EIF4G3: variants seen among roughly 807,000 people sequenced by gnomAD.
EIF4G3 encodes the protein eukaryotic translation initiation factor 4 gamma 3.
Under a neutral mutation model 186.4 loss-of-function variants are expected in EIF4G3, and 34 were observed. That is an observed-to-expected ratio of 0.18 (90% CI 0.14 to 0.24). EIF4G3 has a LOEUF of 0.24. Ranked by LOEUF, EIF4G3 falls within the 10% of genes least tolerant of loss-of-function variation. The probability of loss-of-function intolerance (pLI) is 1.00; values close to 1 mark genes in which losing one functional copy is unlikely to be tolerated. For missense variants in EIF4G3, 1,536 were observed against 1,948.5 expected (o/e 0.79, Z 3.99); for synonymous variants, 673 against 679.5 (o/e 0.99, Z 0.15).
intron 3 of EIF4G3, among the ~76,000 whole-genome samples, chr1:21,083,037 CAAAAAAAAAAAAAAAAAAAAAAA>C (rs544781256): frequency 7.5e-5 from 5 of 66,432 alleles, no homozygotes; most frequent in Admixed American, 3.7e-4. Context: ...GACTCTGTCT[CAAAAAAAAAAAAAAAAAAAAAAA>C]AAAAAAAAAA....
chr1:20,984,830 C>T (rs955049294), intron 7 of EIF4G3, among the ~76,000 whole-genome samples: 14 of 152,058 alleles, frequency 9.2e-5, no homozygotes, highest in Non-Finnish European at 2.1e-4. Context: ...CCTCGTGATC[C>T]GCCCGCCTCG....
At chr1:21,162,389 C>A (rs971773855) in intron 2 of EIF4G3, among the ~76,000 whole-genome samples, 1 of 149,836 alleles carries the variant, frequency 6.7e-6, no homozygotes, top group Non-Finnish European at 1.5e-5. Context: ...GTGGACGTTG[C>A]AGTGAACTGA....
At chr1:21,176,569 GCCGCCGCCGCCGCCGCCGCCGCCT>G (rs989319218) in intron 1 of EIF4G3, among the ~76,000 whole-genome samples, 129 bp downstream of exon 1, 13 of 143,158 alleles carry the variant, frequency 9.1e-5, no homozygotes, top group Non-Finnish European at 7.7e-5. Context: ...CACGCCCGAC[GCCGCCGCCGCCGCCGCCGCCGCCT>G]CCGCCGCCGC....
intron 31 of EIF4G3, 82 bp downstream of exon 31, chr1:20,829,065 A>G: frequency 6.9e-7 from 1 of 1,455,978 alleles, no homozygotes; most frequent in Non-Finnish European, 9.4e-7. Flanking sequence ...CGATAATGGG[A>G]CAGTACTATG....
At chr1:21,077,772 C>G (rs2095632612) in intron 3 of EIF4G3, among the ~76,000 whole-genome samples, 1 of 151,014 alleles carries the variant, frequency 6.6e-6, no homozygotes, top group African/African-American at 2.4e-5. Flanking sequence ...CCCAGATACT[C>G]AGGAGGCTGT....
At chr1:20,861,386 A>T (rs1225457542) in intron 23 of EIF4G3, among the ~76,000 whole-genome samples, 1 of 152,104 alleles carries the variant, frequency 6.6e-6, no homozygotes, top group African/African-American at 2.4e-5. Context: ...AAATGAGAAA[A>T]ACAAAAAAAC....
At chr1:21,073,749 T>A (rs1022584182) in intron 3 of EIF4G3, 15 of 468,844 alleles carry the variant, frequency 3.2e-5, no homozygotes, top group African/African-American at 3.0e-4. Context: ...AAGTCTATGA[T>A]GGTATTGTCA....
chr1:21,033,919 T>C (rs1159826497), intron 4 of EIF4G3, among the ~76,000 whole-genome samples: 1 of 152,150 alleles, frequency 6.6e-6, no homozygotes, highest in East Asian at 1.9e-4. Flanking sequence ...ACCCTGCCTC[T>C]ATAAAAAAAA....
At chr1:21,142,820 T>A (rs2097363403) in intron 2 of EIF4G3, among the ~76,000 whole-genome samples, 1 of 151,976 alleles carries the variant, frequency 6.6e-6, no homozygotes, top group Non-Finnish European at 1.5e-5. Flanking sequence ...AAAACAGAAA[T>A]AACTCAAGTA....
chr1:21,047,098 A>G (rs1360812668), intron 4 of EIF4G3, among the ~76,000 whole-genome samples: 1 of 152,196 alleles, frequency 6.6e-6, no homozygotes, highest in Non-Finnish European at 1.5e-5. Context: ...AATTTATCCA[A>G]TATCATATAA....
chr1:20,873,279 A>AT (rs1375087295), intron 20 of EIF4G3, among the ~76,000 whole-genome samples: 2 of 152,048 alleles, frequency 1.3e-5, no homozygotes, highest in East Asian at 1.9e-4. Context: ...ATCAACAGGC[A>AT]TTTTTTCATT....
At chr1:21,131,275 C>G (rs1202170779) in intron 2 of EIF4G3, among the ~76,000 whole-genome samples, 2 of 133,534 alleles carry the variant, frequency 1.5e-5, no homozygotes, top group African/African-American at 5.5e-5. Flanking sequence ...CTTAAAGATA[C>G]ATTAAGATGT....
At chr1:20,900,070 A>G (rs1305227096) in intron 15 of EIF4G3, 127 bp from the exon 16 acceptor site, 12 of 980,078 alleles carry the variant, frequency 1.2e-5, no homozygotes, top group African/African-American at 1.6e-5. Context: ...GTCTGTGTTC[A>G]GCATGTGGTA....
rs35855765 is a variant in EIF4G3, at chr1:21,079,506, G to GAA, written c.-196+9630_-196+9631dup. 7.8e-3 allele frequency among the ~76,000 whole-genome samples: 782 copies of GAA among 100,602 alleles called. 13 individuals carry two copies. Among genetic ancestry groups the GAA allele is most frequent in the African/African-American group, 0.022 (549 of 25,348 alleles). 66.0% of individuals were successfully genotyped at this position (100,602 alleles called of 152,430 possible). ...AACATAATGAGACCTTGTCTCTACAGAAAAAAAAAAAAAAAAAATGCTTTT... is the reference window on the plus strand; with the variant it reads ...AACATAATGAGACCTTGTCTCTACAGAAAAAAAAAAAAAAAAAAAATGCTTTT... On this transcript the variant is annotated intron_variant, in intron 3 of 36. Transcript: ENST00000602326.
chr1:21,151,774 A>G (rs987410154), intron 2 of EIF4G3, among the ~76,000 whole-genome samples: 4 of 152,134 alleles, frequency 2.6e-5, no homozygotes, highest in Admixed American at 2.0e-4. Flanking sequence ...TGTTAAAAAA[A>G]TCTCTTAGAA....
At chr1:20,969,635 G>A (rs1159677168) in intron 11 of EIF4G3, 39 bp from the exon 12 acceptor site, 4 of 1,597,618 alleles carry the variant, frequency 2.5e-6, no homozygotes, top group Non-Finnish European at 3.4e-6. Context: ...ACAGATGAGT[G>A]TCTGTGTAGC....
chr1:21,053,367 G>A (rs1268224770), intron 3 of EIF4G3, among the ~76,000 whole-genome samples: 2 of 149,706 alleles, frequency 1.3e-5, no homozygotes, highest in Non-Finnish European at 3.0e-5. Flanking sequence ...CTGGGAGGGA[G>A]GTGGGGGTCA....
chr1:20,943,268 TATAC>T (rs1393712935), intron 13 of EIF4G3, among the ~76,000 whole-genome samples: 6 of 152,132 alleles, frequency 3.9e-5, no homozygotes, highest in Non-Finnish European at 8.8e-5. Flanking sequence ...AAGAAAACAA[TATAC>T]ATATAGTATG....
intron 2 of EIF4G3, among the ~76,000 whole-genome samples, chr1:21,149,101 AAAAG>A (rs1484834254): frequency 7.2e-5 from 11 of 152,160 alleles, no homozygotes; most frequent in Non-Finnish European, 1.5e-4. Context: ...CTAAAAAAAA[AAAAG>A]AAAGAAAGAA....
Sources: gnomAD v4.1 joint callset for allele counts (sites outside exome capture counted in the v4.1 genomes callset) on GRCh38, gnomAD v4.1.1 for gene constraint, MANE v1.5 for transcripts, NCBI Gene and HGNC (gene_info 2026-07-23, HGNC 2026-07-21) for gene names.